Variants in ERC1 observed in about 807,000 individuals in gnomAD.
ERC1 encodes RAB6 interacting protein 2.
In ERC1, 56 loss-of-function variants were observed where a neutral mutation model predicts 132.0. The ratio of observed to expected loss-of-function variants is 0.42; its 90% CI spans 0.34 to 0.53. The LOEUF (loss-of-function observed/expected upper bound fraction) is 0.53. Ranked by LOEUF, ERC1 falls within the 20% of genes least tolerant of loss-of-function variation. The probability of loss-of-function intolerance (pLI) is 0.03; values close to 1 mark genes in which losing one functional copy is unlikely to be tolerated. For missense variants in ERC1, 1,202 were observed against 1,349.9 expected, an observed-to-expected ratio of 0.89 and a Z score of 1.72; for synonymous variants, 478 against 476.1, an observed-to-expected ratio of 1.00 and a Z score of -0.05.
At chr12:1,165,967 A>C (rs1593880720) in intron 8 of ERC1, among the ~76,000 whole-genome samples, 1 of 152,156 alleles carries the variant, frequency 6.6e-6, no homozygotes, top group East Asian at 1.9e-4. Context: ...TCCTCTGACA[A>C]CCAGTAACCT....
At chr12:1,323,712 T>C (rs1381203781) in intron 15 of ERC1, among the ~76,000 whole-genome samples, 1 of 152,216 alleles carries the variant, frequency 6.6e-6, no homozygotes, top group African/African-American at 2.4e-5. Flanking sequence ...GAAAATTAAC[T>C]GTGACCACAT....
At chr12:1,438,972 A>ATATATATATATATATATATAGATATATAT (rs1246217572) in intron 17 of ERC1, among the ~76,000 whole-genome samples, 1 of 143,924 alleles carries the variant, frequency 6.9e-6, no homozygotes, top group African/African-American at 2.8e-5. Context: ...TATATATATA[A>ATATATATATATATATATATAGATATATAT]AAAATGACAT....
chr12:1,377,811 CAAAT>C (rs1252768448), intron 16 of ERC1, among the ~76,000 whole-genome samples: 1 of 152,102 alleles, frequency 6.6e-6, no homozygotes, highest in Non-Finnish European at 1.5e-5. Flanking sequence ...TGGAACTTTC[CAAAT>C]AAATCATTAT....
At chr12:1,350,954 C>A (rs1179268970) in intron 15 of ERC1, among the ~76,000 whole-genome samples, 1 of 152,164 alleles carries the variant, frequency 6.6e-6, no homozygotes, top group Non-Finnish European at 1.5e-5. Flanking sequence ...CTGTTCCCTG[C>A]AATACCTAAT....
intron 2 of ERC1, 78 bp downstream of exon 2, chr12:1,028,650 G>C: frequency 8.3e-7 from 1 of 1,199,870 alleles, no homozygotes; most frequent in Non-Finnish European, 1.2e-6. Context: ...CCCTTTCCTA[G>C]ATTTTTCCCT....
At position 1,339,812 on chromosome 12, in the gene ERC1, G is replaced by C. The variant is rs150019949; in HGVS notation, c.2781-32021G>C. On this transcript the variant is annotated intron_variant, in intron 15 of 18. Coordinates refer to ENST00000360905, the MANE Select transcript of ERC1 (RefSeq NM_178040.4). ...GGTTGGGGAGGGTCTGCTGTCCTCT[G>C]TGCCTGGTTTCACTCCTGTGGCAGT... 8.8e-3 allele frequency among the ~76,000 whole-genome samples: 1,347 copies of C among 152,270 alleles called. 15 individuals are homozygous for C. The highest frequency in any genetic ancestry group is 0.029 in the African/African-American group (1,215 of 41,528).
chr12:1,025,663 G>A (rs1455192961), intron 1 of ERC1, among the ~76,000 whole-genome samples: 5 of 151,908 alleles, frequency 3.3e-5, no homozygotes, highest in Non-Finnish European at 7.4e-5. Context: ...ACGAGTATAC[G>A]TTATGTTTCT....
At chr12:1,092,081 C>T (rs556876036) in intron 3 of ERC1, among the ~76,000 whole-genome samples, 22 of 151,020 alleles carry the variant, frequency 1.5e-4, no homozygotes, top group African/African-American at 5.1e-4. Context: ...TCACTGCAAC[C>T]TGCGCCCCCT....
intron 18 of ERC1, among the ~76,000 whole-genome samples, chr12:1,481,270 A>G (rs73601938): frequency 0.039 from 5,938 of 152,298 alleles, 359 homozygotes; most frequent in African/African-American, 0.13. Context: ...AATCCATTTC[A>G]GGTTGTGCTT....
At chr12:1,199,208 C>T (rs927924152) in intron 12 of ERC1, among the ~76,000 whole-genome samples, 6 of 147,834 alleles carry the variant, frequency 4.1e-5, no homozygotes, top group African/African-American at 1.5e-4. Context: ...CACAATTCAA[C>T]ATGAGAGTTG....
intron 15 of ERC1, among the ~76,000 whole-genome samples, chr12:1,350,074 G>C (rs1330630043): frequency 6.6e-6 from 1 of 152,210 alleles, no homozygotes; most frequent in Non-Finnish European, 1.5e-5. Context: ...TTTAAAGGAT[G>C]AGGGAAAAAT....
At chr12:1,140,833 A>G (rs946580930) in intron 7 of ERC1, among the ~76,000 whole-genome samples, 8 of 152,072 alleles carry the variant, frequency 5.3e-5, no homozygotes, top group African/African-American at 1.9e-4. Context: ...GTATGAAAAA[A>G]TATAAAATAG....
Position 1,068,143 on chromosome 12 carries a change from G to T in ERC1, c.670-15021G>T, listed in dbSNP as rs151190879. Among the ~76,000 whole-genome samples the T allele has an allele frequency of 5.9e-3, 902 of 151,928 alleles. 11 individuals are homozygous for T. Among genetic ancestry groups the T allele is most frequent in the African/African-American group, 0.02 (832 of 41,434 alleles). ...GATGGGTTTTCTCCATCTTGGCCAG[G>T]CTGGTCTCGAACTCCTGACTTTGTG... On this transcript the variant is annotated intron_variant, in intron 2 of 18. Transcript: ENST00000360905.
intron 13 of ERC1, among the ~76,000 whole-genome samples, chr12:1,245,160 C>G (rs1395531710): frequency 6.6e-6 from 1 of 152,168 alleles, no homozygotes; most frequent in African/African-American, 2.4e-5. Flanking sequence ...GTAAAGAATA[C>G]TTATAACATG....
At chr12:1,091,134 C>T (rs530495728) in intron 3 of ERC1, among the ~76,000 whole-genome samples, 2 of 152,264 alleles carry the variant, frequency 1.3e-5, no homozygotes, top group East Asian at 3.9e-4. Context: ...GGTGATCTGC[C>T]TGACTCGGCC....
intron 15 of ERC1, among the ~76,000 whole-genome samples, chr12:1,313,140 C>T (rs2081431948): frequency 6.6e-6 from 1 of 152,036 alleles, no homozygotes; most frequent in African/African-American, 2.4e-5. Flanking sequence ...ATATGGCCTT[C>T]TTCCTCCTGC....
chr12:1,374,788 G>A (rs1429304783), intron 16 of ERC1, among the ~76,000 whole-genome samples: 2 of 146,520 alleles, frequency 1.4e-5, no homozygotes, highest in African/African-American at 5.0e-5. Context: ...ACACAGATGT[G>A]TTATAGGCAG....
At chr12:1,480,655 T>C (rs7315267) in intron 18 of ERC1, among the ~76,000 whole-genome samples, 67,833 of 151,990 alleles carry the variant, frequency 0.45, 17,548 homozygotes, top group African/African-American at 0.72. Flanking sequence ...TTAATTTGTA[T>C]TCTTTCGGAA....
chr12:1,472,480 C>T (rs764380162), intron 18 of ERC1, among the ~76,000 whole-genome samples: 4 of 151,938 alleles, frequency 2.6e-5, no homozygotes, highest in Non-Finnish European at 4.4e-5. Context: ...GAGACCTCCT[C>T]TCTACAAAAA....
Sources: allele counts gnomAD v4.1 joint callset (sites outside exome capture counted in the v4.1 genomes callset), GRCh38; gene constraint gnomAD v4.1.1; transcripts MANE v1.5; gene names NCBI Gene and HGNC (gene_info 2026-07-23, HGNC 2026-07-21).